Variants in COL27A1 observed in about 807,000 individuals in gnomAD.
The protein encoded by COL27A1 is collagen alpha-1(XXVII) chain.
A neutral mutation model predicts 251.3 loss-of-function variants in COL27A1; 106 were observed. That is an observed-to-expected ratio of 0.42 (90% CI 0.36 to 0.50). The LOEUF (loss-of-function observed/expected upper bound fraction) is 0.50. COL27A1 is among the 20% of genes least tolerant of loss of function. The probability of loss-of-function intolerance (pLI) is 0.00; values close to 1 mark genes in which losing one functional copy is unlikely to be tolerated. For synonymous variants in COL27A1, 1,000 were observed against 986.3 expected (o/e 1.01, Z -0.26); for missense variants, 2,325 against 2,522.8 (o/e 0.92, Z 1.68).
In COL27A1 at chr9:114,269,257, T is replaced by C. The variant is rs1834958383; in HGVS notation, c.3518T>C (p.Leu1173Pro). ...TTCTCCTAGGGTGACCTTGGACCCC[T>C]GGGCACTCCTGGGGAGCAGGGCCTC... Reference protein sequence around the residue: ...EAGMKGDLGPLGTPGEQGLIG... With the variant: ...EAGMKGDLGPPGTPGEQGLIG... The change falls in exon 35 of 61, where the codon CTG becomes CCG. Residue 1173 changes from leucine to proline, a missense_variant. Transcript: ENST00000356083. The C allele has an allele frequency of 6.2e-7, 1 of 1,605,526 alleles. No individual in the cohort carries two copies. Among genetic ancestry groups the C allele is most frequent in the Admixed American group, 1.7e-5 (1 of 59,090 alleles).
intron 28 of COL27A1, among the ~76,000 whole-genome samples, chr9:114,259,223 G>C (rs1354717838): frequency 6.6e-6 from 1 of 152,294 alleles, no homozygotes; most frequent in South Asian, 2.1e-4. Context: ...AGGGACGAGG[G>C]AGAGGGATGG....
intron 13 of COL27A1, among the ~76,000 whole-genome samples, chr9:114,221,631 G>A (rs973099191): frequency 6.6e-6 from 1 of 152,184 alleles, no homozygotes. Context: ...CTGAGGTATA[G>A]GGGGATAAAT....
intron 12 of COL27A1, chr9:114,217,672 C>T: frequency 2.4e-6 from 1 of 424,138 alleles, no homozygotes; most frequent in South Asian, 1.8e-5. Context: ...CAGGGCAGGA[C>T]TACAAGTTCT....
rs748731467 is a variant in COL27A1, at chr9:114,301,659, CTCT to C, written c.4810-16_4810-14del. Reference sequence around the variant, plus strand: ...TGAAGACCCTGTGGACCAGGGCTCACTCTTCTTCTCTTGTTCCCCCAGGGTCCT... The same window carrying C: ...TGAAGACCCTGTGGACCAGGGCTCACTCTTCTCTTGTTCCCCCAGGGTCCT... On this transcript the variant is annotated intron_variant, in intron 54 of 60. Transcript: ENST00000356083. The C allele has an allele frequency of 9.4e-6, 15 of 1,598,564 alleles. No homozygotes were observed. The highest frequency in any genetic ancestry group is 2.0e-4 in the Middle Eastern group (1 of 4,990).
chr9:114,261,095 C>T (rs1478557502), intron 28 of COL27A1, among the ~76,000 whole-genome samples: 1 of 152,242 alleles, frequency 6.6e-6, no homozygotes, highest in Non-Finnish European at 1.5e-5. Context: ...GCTGTGGGGA[C>T]TCAGTCACTG....
In COL27A1 at chr9:114,237,684, C is replaced by T; in HGVS notation, c.2696C>T (p.Ser899Phe). 1 of 1,614,170 alleles carries T rather than the reference C, an allele frequency of 6.2e-7. No individual in the cohort carries two copies. Among genetic ancestry groups the T allele is most frequent in the Non-Finnish European group, 8.5e-7 (1 of 1,180,002 alleles). Reference sequence around the variant, plus strand: ...CAGGGCAAAGTCGGAGACAAAGGATCCATTGGGTTTCCCGGGCCCCCTGGA... The same window carrying T: ...CAGGGCAAAGTCGGAGACAAAGGATTCATTGGGTTTCCCGGGCCCCCTGGA... ...GPLGKVGDKGSIGFPGPPGPE... is the reference protein window; with the variant it reads ...GPLGKVGDKGFIGFPGPPGPE... Residue 899 changes from serine (S) to phenylalanine (F), a missense_variant, in exon 19 of 61, where the codon TCC becomes TTC. Ser to Phe is a radical substitution (Grantham distance 155). Around this residue, in one of 4 missense-constraint regions of COL27A1, gnomAD observed 662 missense variants for 795.3 expected, o/e 0.83. Coordinates refer to ENST00000356083, the MANE Select transcript of COL27A1 (RefSeq NM_032888.4).
chr9:114,202,037 A>G (rs1829616585), intron 7 of COL27A1, among the ~76,000 whole-genome samples: 1 of 152,168 alleles, frequency 6.6e-6, no homozygotes, highest in Non-Finnish European at 1.5e-5. Context: ...TCTGCCTCCT[A>G]GGAGTGATAG....
At chr9:114,250,497 G>T in intron 24 of COL27A1, 118 bp from the exon 25 acceptor site, 2 of 883,484 alleles carry the variant, frequency 2.3e-6, no homozygotes, top group Non-Finnish European at 1.9e-6. Context: ...CCCCATGCTG[G>T]CTGGGTGACC....
intron 3 of COL27A1, among the ~76,000 whole-genome samples, chr9:114,175,418 GAGAGGGGCC>G (rs1564429928): frequency 6.6e-6 from 1 of 152,270 alleles, no homozygotes; most frequent in Non-Finnish European, 1.5e-5. Context: ...CGGATCAGGG[GAGAGGGGCC>G]AGGGGGCACC....
Position 114,224,796 on chromosome 9 carries a change from G to A in COL27A1, c.2466+2529G>A, listed in dbSNP as rs184704127. On this transcript the variant is annotated intron_variant, in intron 14 of 60. Transcript: ENST00000356083. ...GCCTCCCAAGTAGCTGGGACAACAG[G>A]TGTGTACCATGATGCCCAGCTAATT... 1.8e-4 allele frequency among the ~76,000 whole-genome samples: 28 copies of A among 152,000 alleles called. No homozygotes were observed. In the East Asian group the frequency reaches 5.0e-3, roughly 27 times the overall value.
At chr9:114,175,955 T>C (rs1827405086) in intron 3 of COL27A1, among the ~76,000 whole-genome samples, 2 of 152,142 alleles carry the variant, frequency 1.3e-5, no homozygotes, top group Non-Finnish European at 2.9e-5. Context: ...GTTTCCAGGA[T>C]CTTCATTTCA....
At chr9:114,209,305 C>A in intron 10 of COL27A1, 1 of 460,924 alleles carries the variant, frequency 2.2e-6, no homozygotes, top group Non-Finnish European at 4.3e-6. Flanking sequence ...CCACGGGCAC[C>A]TACCAGCATC....
intron 56 of COL27A1, among the ~76,000 whole-genome samples, chr9:114,303,449 G>T (rs148121292): frequency 9.2e-5 from 14 of 152,166 alleles, no homozygotes; most frequent in Middle Eastern, 3.4e-3. Flanking sequence ...ATGTTGGCCA[G>T]GCTGGTTTTG....
chr9:114,168,208 T>A lies in COL27A1; in HGVS notation c.653T>A (p.Ile218Asn), dbSNP rs1849038234. Reference protein sequence around the residue: ...QFEGALCQFSIYPVTQVAHNY... With the variant: ...QFEGALCQFSNYPVTQVAHNY... ...GAAGGTGCTCTCTGCCAGTTCAGTA[T>A]CTACCCTGTGACGCAGGTCGCTCAC... The change falls in exon 3 of 61, where the codon ATC becomes AAC. Residue 218 changes from isoleucine to asparagine, a missense_variant. Ile to Asn is a moderately radical substitution (Grantham distance 149). This residue lies in a region of COL27A1 where 1,183 missense variants were observed against 1,144.1 expected (regional missense o/e 1.03). Coordinates refer to ENST00000356083, the MANE Select transcript of COL27A1 (RefSeq NM_032888.4). The A allele has an allele frequency of 6.2e-7, 1 of 1,613,970 alleles. No homozygotes were observed. The highest frequency in any genetic ancestry group is 8.5e-7 in the Non-Finnish European group (1 of 1,180,012).
chr9:114,225,587 A>G (rs1344030890), intron 14 of COL27A1, among the ~76,000 whole-genome samples: 1 of 152,232 alleles, frequency 6.6e-6, no homozygotes, highest in African/African-American at 2.4e-5. Flanking sequence ...TGTCTCCCCA[A>G]AGAGCTGGAA....
chr9:114,222,201 C>T, intron 13 of COL27A1, 22 bp from the exon 14 acceptor site: 3 of 1,612,570 alleles, frequency 1.9e-6, no homozygotes, highest in Non-Finnish European at 2.5e-6. Context: ...AAGTAACCAC[C>T]TTGGTCTCTC....
intron 14 of COL27A1, among the ~76,000 whole-genome samples, chr9:114,224,728 C>T (rs1831352461): frequency 6.9e-6 from 1 of 144,772 alleles, no homozygotes; most frequent in South Asian, 2.3e-4. Flanking sequence ...TCTTGGCTCA[C>T]TGCAGCCTCT....
chr9:114,309,205 G>A (rs1829275359), intron 59 of COL27A1, 55 bp from the exon 60 acceptor site: 8 of 1,434,074 alleles, frequency 5.6e-6, no homozygotes, highest in Admixed American at 1.7e-5. Flanking sequence ...GGAACCCTCG[G>A]TGTGGGGGGT....
intron 35 of COL27A1, among the ~76,000 whole-genome samples, chr9:114,269,545 T>G (rs11792627): frequency 7.1e-6 from 1 of 140,068 alleles, no homozygotes; most frequent in Non-Finnish European, 1.5e-5. Context: ...GACCCAGGAG[T>G]TGGAGGTTGT....
Sources: gnomAD v4.1 joint callset for allele counts (sites outside exome capture counted in the v4.1 genomes callset) on GRCh38, gnomAD v4.1.1 for gene constraint, gnomAD v4.1.1 regional missense constraint, MANE v1.5 for transcripts, NCBI Gene and HGNC (gene_info 2026-07-23, HGNC 2026-07-21) for gene names.